Variants in LMNB2 observed in about 807,000 individuals in gnomAD.
LMNB2 encodes lamin B2.
In LMNB2, 17 loss-of-function variants were observed where a neutral mutation model predicts 69.3. The ratio of observed to expected loss-of-function variants is 0.25; its 90% CI spans 0.17 to 0.37. The LOEUF (loss-of-function observed/expected upper bound fraction) is 0.37, where lower values mean the gene tolerates loss of function less well. Among genes scored for constraint, LMNB2 ranks in the 10% least tolerant of loss-of-function variants. LMNB2 has a pLI of 1.00. For missense variants in LMNB2, 789 were observed against 883.6 expected, an observed-to-expected ratio of 0.89 and a Z score of 1.36; for synonymous variants, 397 against 389.3, an observed-to-expected ratio of 1.02 and a Z score of -0.23.
At chr19:2,452,799 T>C (rs544405084) in intron 1 of LMNB2, among the ~76,000 whole-genome samples, 2 of 152,248 alleles carry the variant, frequency 1.3e-5, no homozygotes, top group South Asian at 2.1e-4. Flanking sequence ...AGTCGTGTTA[T>C]GAGCCTGAAA....
Position 2,433,972 on chromosome 19 carries a change from C to T in LMNB2, c.1336G>A (p.Gly446Ser), listed in dbSNP as rs755888473. 1.1e-5 allele frequency: 18 copies of T among 1,610,860 alleles called. No homozygotes were observed. The highest frequency in any genetic ancestry group is 1.7e-5 in the Admixed American group (1 of 59,920). ...RKRLEVEEPL[G>S]SGPSVLGTGT... Reference sequence around the variant, plus strand: ...GTGCCCAGGACGCTTGGGCCGCTGCCCAAGGGCTCCTCCACCTCCAGCCGC... The same window carrying T: ...GTGCCCAGGACGCTTGGGCCGCTGCTCAAGGGCTCCTCCACCTCCAGCCGC... The change falls in exon 8 of 12, where the codon GGC (glycine) becomes AGC (serine). Residue 446 changes from glycine to serine, a missense_variant. Physicochemically the swap from Gly to Ser is moderately conservative, Grantham distance 56. Coordinates refer to ENST00000325327, the MANE Select transcript of LMNB2 (RefSeq NM_032737.4).
chr19:2,445,796 C>T (rs1971948676), intron 1 of LMNB2, among the ~76,000 whole-genome samples: 1 of 90,434 alleles, frequency 1.1e-5, no homozygotes, highest in African/African-American at 4.9e-5. Flanking sequence ...TCCCCAGCTC[C>T]CCACCCCACC....
chr19:2,431,427 CCA>C, intron 11 of LMNB2, 119 bp downstream of exon 11: 1 of 1,302,828 alleles, frequency 7.7e-7, no homozygotes, highest in Admixed American at 1.7e-5. Context: ...TCACCCTGAG[CCA>C]CGGCAGCCAG....
rs1348089840 is a variant in LMNB2, at chr19:2,430,666, G to C, written c.*245C>G. 3.4e-6 allele frequency: 2 copies of C among 586,312 alleles called. No individual in the cohort carries two copies. The highest frequency in any genetic ancestry group is 6.2e-6 in the Non-Finnish European group (2 of 321,854). The allele number at this position is 586,312 out of a possible 1,614,324, so 36.3% of individuals were successfully genotyped here. ...GGTCCTGGCCCTGGGCTTCCAATTTGACCAAATGGTGAGATGAGGAGTGGG... is the reference window on the plus strand; with the variant it reads ...GGTCCTGGCCCTGGGCTTCCAATTTCACCAAATGGTGAGATGAGGAGTGGG... On this transcript the variant is annotated 3_prime_UTR_variant, in exon 12 of 12. Transcript: ENST00000325327.
intron 9 of LMNB2, 117 bp from the exon 10 acceptor site, chr19:2,432,019 G>T: frequency 7.6e-7 from 1 of 1,324,072 alleles, no homozygotes; most frequent in Non-Finnish European, 1.0e-6. Flanking sequence ...AGTCCTTCCA[G>T]CCCGACGCAG....
chr19:2,447,030 G>A lies in LMNB2; in HGVS notation c.265-2490C>T, dbSNP rs1971964417. Among the ~76,000 whole-genome samples, 1 of 151,984 alleles carries A rather than the reference G, an allele frequency of 6.6e-6. No individual in the cohort carries two copies. The highest frequency in any genetic ancestry group is 1.5e-5 in the Non-Finnish European group (1 of 68,018). ...GTGGTGGTGGGCGCCTGTGGTCCCA[G>A]CTACTTGGGAGGCTGAGGCAGGAGA... is the stretch of plus-strand genomic sequence containing the variant. On this transcript the variant is annotated intron_variant, in intron 1 of 11. Coordinates refer to ENST00000325327, the MANE Select transcript of LMNB2 (RefSeq NM_032737.4). The surrounding 1 kb of genome is among the most constrained non-coding windows in gnomAD (Gnocchi z 4.4).
At chr19:2,435,260 C>T in intron 4 of LMNB2, 89 bp from the exon 5 acceptor site, 1 of 1,536,012 alleles carries the variant, frequency 6.5e-7, no homozygotes, top group Non-Finnish European at 8.8e-7. Context: ...CCAAGAGGAA[C>T]CTCCAGGCAA....
chr19:2,431,728 G>T, intron 10 of LMNB2, 55 bp downstream of exon 10: 1 of 1,613,568 alleles, frequency 6.2e-7, no homozygotes. Context: ...CCCCGAGGGT[G>T]CCCAGACCCT....
Position 2,434,234 on chromosome 19 carries a change from T to C in LMNB2, c.1202+61A>G, listed in dbSNP as rs1440461196. ...GCACTCCCCGCAGCCCCGTCCCGCCTCTCCTCCTGCCCTGCCCCTCCTCCT... is the reference window on the plus strand; with the variant it reads ...GCACTCCCCGCAGCCCCGTCCCGCCCCTCCTCCTGCCCTGCCCCTCCTCCT... On this transcript the variant is annotated intron_variant, in intron 7 of 11. Transcript: ENST00000325327. The C allele has an allele frequency of 1.9e-6, 3 of 1,554,226 alleles. No individual in the cohort carries two copies. In the South Asian group the frequency reaches 3.4e-5, roughly 18 times the overall value.
At position 2,453,452 on chromosome 19, in the gene LMNB2, T is replaced by C. The variant is rs61520003; in HGVS notation, c.264+3218A>G. Among the ~76,000 whole-genome samples the C allele has an allele frequency of 0.37, 56,126 of 150,112 alleles. 11,356 individuals are homozygous for C. Among genetic ancestry groups the C allele is most frequent in the African/African-American group, 0.55 (22,552 of 40,782 alleles). On this transcript the variant is annotated intron_variant, in intron 1 of 11. Transcript: ENST00000325327. The surrounding 1 kb of genome is among the most constrained non-coding windows in gnomAD (Gnocchi z 4.4). The stretch of plus-strand genomic sequence containing the variant: ...TCCCTCCATGTGGGCCCACATGACG[T>C]CCCCCCACCAGCGGCCCCCACCCCA...
intron 1 of LMNB2, among the ~76,000 whole-genome samples, chr19:2,448,711 G>A (rs1290209887): frequency 6.6e-6 from 1 of 152,150 alleles, no homozygotes; most frequent in Non-Finnish European, 1.5e-5. Flanking sequence ...AGCCGGGCAT[G>A]GTGGCGTGCA....
At chr19:2,448,649 C>T (rs1184302645) in intron 1 of LMNB2, among the ~76,000 whole-genome samples, 1 of 152,068 alleles carries the variant, frequency 6.6e-6, no homozygotes. Context: ...AGATCAAGAC[C>T]ATCCTTGTTA....
chr19:2,440,758 A>G (rs1971891015), intron 2 of LMNB2, among the ~76,000 whole-genome samples: 1 of 149,862 alleles, frequency 6.7e-6, no homozygotes, highest in African/African-American at 2.5e-5. Flanking sequence ...TCATCCATCC[A>G]TCATCTATCT....
At chr19:2,438,813 C>T (rs1163564226) in intron 2 of LMNB2, among the ~76,000 whole-genome samples, 1 of 152,134 alleles carries the variant, frequency 6.6e-6, no homozygotes, top group East Asian at 1.9e-4. Context: ...TGTTCTGGAC[C>T]CAGGACGACC....
intron 9 of LMNB2, 72 bp from the exon 10 acceptor site, chr19:2,431,974 C>A: frequency 6.5e-7 from 1 of 1,541,986 alleles, no homozygotes; most frequent in Non-Finnish European, 8.7e-7. Context: ...CCAGTGGCCC[C>A]TACCACAAAG....
Position 2,444,409 on chromosome 19 carries a change from G to A in LMNB2, c.396C>T (p.Asn132=), listed in dbSNP as rs568695455. ...GCCCAGCCGTGACCACTCACCTCTT[G>A]TTGACCTCGTCCAACTCTGCCCTCA... ...GKLRAELDEV[N]KSAKKREGEL... Residue 132 remains asparagine (N), a synonymous_variant, in exon 2 of 12, where the codon AAC becomes AAT. Transcript: ENST00000325327. The A allele has an allele frequency of 6.2e-7, 1 of 1,613,740 alleles. No individual in the cohort carries two copies. The highest frequency in any genetic ancestry group is 2.2e-5 in the East Asian group (1 of 44,882).
rs1971921904 is a variant in LMNB2, at chr19:2,443,593, C to T, written c.401+811G>A. ...TGGGAAGACCCTGACCCACCCCAGC[C>T]TGAGGAAATCCGAGGCACCTGCAGG... On this transcript the variant is annotated intron_variant, in intron 2 of 11. Coordinates refer to ENST00000325327, the MANE Select transcript of LMNB2 (RefSeq NM_032737.4). The surrounding 1 kb of genome is among the most constrained non-coding windows in gnomAD (Gnocchi z 6.2). Among the ~76,000 whole-genome samples the T allele has an allele frequency of 6.6e-6, 1 of 152,132 alleles. No individual in the cohort carries two copies. Among genetic ancestry groups the T allele is most frequent in the Admixed American group, 6.5e-5 (1 of 15,272 alleles).
At chr19:2,434,559 C>A in intron 6 of LMNB2, 44 bp from the exon 7 acceptor site, 1 of 1,590,762 alleles carries the variant, frequency 6.3e-7, no homozygotes, top group South Asian at 1.1e-5. Context: ...GCCCATGGGT[C>A]ACAAGGCCCA....
chr19:2,434,683 G>A, intron 6 of LMNB2, 105 bp downstream of exon 6: 2 of 1,515,402 alleles, frequency 1.3e-6, no homozygotes, highest in East Asian at 2.4e-5. Context: ...CGCCCCGAGG[G>A]CTGCATCCGA....
Sources: allele counts gnomAD v4.1 joint callset (sites outside exome capture counted in the v4.1 genomes callset), GRCh38; gene constraint gnomAD v4.1.1; non-coding constraint Gnocchi (gnomAD v3.1); transcripts MANE v1.5; gene names NCBI Gene and HGNC (gene_info 2026-07-23, HGNC 2026-07-21).